The following RAB3C variants were observed in gnomAD, a reference collection of about 807,000 sequenced individuals.
RAB3C encodes RAB3C, member RAS oncogene family.
In RAB3C, 17 loss-of-function variants were observed where a neutral mutation model predicts 26.4. The ratio of observed to expected loss-of-function variants is 0.64; its 90% CI spans 0.44 to 0.97. RAB3C has a LOEUF of 0.97. RAB3C is among the 50% of genes least tolerant of loss of function. The pLI is 0.00. For synonymous variants in RAB3C, 91 were observed against 95.9 expected, an observed-to-expected ratio of 0.95 and a Z score of 0.30; for missense variants, 242 against 281.9, an observed-to-expected ratio of 0.86 and a Z score of 1.01.
intron 3 of RAB3C, chr5:58,817,241 C>A (rs1743237794): frequency 6.6e-6 from 1 of 152,104 alleles, no homozygotes; most frequent in African/African-American, 2.4e-5. Context: ...ATCATTTTTC[C>A]TTTAGCTTTT....
intron 3 of RAB3C, among the ~76,000 whole-genome samples, chr5:58,779,338 TTA>T (rs925809820): frequency 2.0e-5 from 3 of 148,304 alleles, no homozygotes; most frequent in African/African-American, 7.4e-5. Context: ...CATATATAAT[TTA>T]TATATATATA....
chr5:58,821,072 A>G (rs1439655114), intron 3 of RAB3C, among the ~76,000 whole-genome samples: 1 of 152,212 alleles, frequency 6.6e-6, no homozygotes, highest in Non-Finnish European at 1.5e-5. Context: ...GGGGTGCAGT[A>G]GGATGTACTG....
At chr5:58,609,632 A>G (rs573446932) in intron 1 of RAB3C, among the ~76,000 whole-genome samples, 17 of 152,300 alleles carry the variant, frequency 1.1e-4, no homozygotes, top group Non-Finnish European at 1.8e-4. Context: ...GAAAGGAGAA[A>G]GGTGAAATTT....
intron 4 of RAB3C, among the ~76,000 whole-genome samples, chr5:58,841,963 C>A (rs1561149330): frequency 6.6e-6 from 1 of 152,132 alleles, no homozygotes; most frequent in Non-Finnish European, 1.5e-5. Flanking sequence ...ATGTGCCAGG[C>A]ATGTGATGTT....
chr5:58,751,877 C>G (rs1426629710), intron 3 of RAB3C, among the ~76,000 whole-genome samples: 1 of 152,140 alleles, frequency 6.6e-6, no homozygotes, highest in African/African-American at 2.4e-5. Flanking sequence ...TCATTTGAAG[C>G]CTCTCAAACA....
intron 3 of RAB3C, among the ~76,000 whole-genome samples, chr5:58,824,721 G>T (rs1743434446): frequency 1.3e-5 from 2 of 152,186 alleles, no homozygotes; most frequent in Admixed American, 6.5e-5. Context: ...AGGATGGTTG[G>T]CTATCCTACT....
At chr5:58,662,482 T>A (rs1165976172) in intron 2 of RAB3C, among the ~76,000 whole-genome samples, 1 of 150,134 alleles carries the variant, frequency 6.7e-6, no homozygotes, top group Non-Finnish European at 1.5e-5. Context: ...ACTGATATAG[T>A]TATTAAACAC....
intron 3 of RAB3C, among the ~76,000 whole-genome samples, chr5:58,798,244 A>G (rs1433550084): frequency 1.3e-5 from 2 of 152,176 alleles, no homozygotes. Flanking sequence ...TTGCTAGAGG[A>G]TAGACTATAA....
At chr5:58,604,798 A>G (rs1430902321) in intron 1 of RAB3C, among the ~76,000 whole-genome samples, 1 of 152,156 alleles carries the variant, frequency 6.6e-6, no homozygotes, top group Admixed American at 6.5e-5. Flanking sequence ...CTGGATTCAG[A>G]TTTGTGCTCT....
intron 3 of RAB3C, among the ~76,000 whole-genome samples, chr5:58,743,970 G>A (rs544686499): frequency 6.6e-6 from 1 of 152,070 alleles, no homozygotes; most frequent in Non-Finnish European, 1.5e-5. Context: ...TACCTCTATG[G>A]CCAATACATT....
At chr5:58,762,849 A>G (rs537020243) in intron 3 of RAB3C, among the ~76,000 whole-genome samples, 1 of 152,336 alleles carries the variant, frequency 6.6e-6, no homozygotes, top group African/African-American at 2.4e-5. Context: ...AATATTTCCT[A>G]AAAGATAATT....
At chr5:58,783,738 A>G (rs1742319828) in intron 3 of RAB3C, among the ~76,000 whole-genome samples, 1 of 152,200 alleles carries the variant, frequency 6.6e-6, no homozygotes, top group Non-Finnish European at 1.5e-5. Flanking sequence ...GAATGCACTG[A>G]GGTATTAAAC....
intron 2 of RAB3C, among the ~76,000 whole-genome samples, chr5:58,678,001 T>TGTGTGTGTGTGTGTGC (rs746269233): frequency 2.8e-5 from 4 of 145,190 alleles, no homozygotes; most frequent in Non-Finnish European, 6.2e-5. Flanking sequence ...TGTGTGTGTG[T>TGTGTGTGTGTGTGTGC]GCATGCGTGT....
rs180733710 is a variant in RAB3C, at chr5:58,793,325, G to A, written c.372-31713G>A. Among the ~76,000 whole-genome samples the A allele has an allele frequency of 3.3e-5, 5 of 152,222 alleles. No individual in the cohort carries two copies. In the East Asian group the frequency reaches 7.7e-4, roughly 24 times the overall value. ...TGTAATCCCAGCACTTTGGGGGGCC[G>A]AGGCAGGCAGATCACGAGGTCAAGA... is the stretch of plus-strand genomic sequence containing the variant. On this transcript the variant is annotated intron_variant, in intron 3 of 4. Coordinates refer to ENST00000282878, the MANE Select transcript of RAB3C (RefSeq NM_138453.4).
chr5:58,851,463 A>G lies in RAB3C; in HGVS notation c.*112A>G. ...GCCTAACAATTATTTGAAGGAATAAATTGATGTCAATGGCTCGTACGCATT... is the reference window on the plus strand; with the variant it reads ...GCCTAACAATTATTTGAAGGAATAAGTTGATGTCAATGGCTCGTACGCATT... On this transcript the variant is annotated 3_prime_UTR_variant, in exon 5 of 5. Coordinates refer to ENST00000282878, the MANE Select transcript of RAB3C (RefSeq NM_138453.4). 1.2e-6 allele frequency: 1 copy of G among 838,876 alleles called. No individual in the cohort carries two copies. The highest frequency in any genetic ancestry group is 1.8e-6 in the Non-Finnish European group (1 of 560,660). The allele number at this position is 838,876 out of a possible 1,614,324, so 52.0% of individuals were successfully genotyped here.
chr5:58,830,972 C>A (rs1247785300), intron 4 of RAB3C, among the ~76,000 whole-genome samples: 1 of 151,988 alleles, frequency 6.6e-6, no homozygotes, highest in African/African-American at 2.4e-5. Context: ...ACCTCTTGGA[C>A]TCAAGCAATC....
chr5:58,654,052 C>T (rs961905526), intron 2 of RAB3C, among the ~76,000 whole-genome samples: 1 of 152,112 alleles, frequency 6.6e-6, no homozygotes, highest in South Asian at 2.1e-4. Flanking sequence ...TTAATGTTTT[C>T]TGCATTTTCT....
chr5:58,671,671 A>C (rs1202940763), intron 2 of RAB3C, among the ~76,000 whole-genome samples: 2 of 152,188 alleles, frequency 1.3e-5, no homozygotes, highest in Admixed American at 6.5e-5. Flanking sequence ...TGCTGGCTGC[A>C]TAGGGTTTCA....
intron 1 of RAB3C, among the ~76,000 whole-genome samples, chr5:58,594,244 T>C (rs199698835): frequency 6.6e-6 from 1 of 152,214 alleles, no homozygotes; most frequent in African/African-American, 2.4e-5. Context: ...AGAACAGATA[T>C]GTTTACCAAC....
Sources: allele counts gnomAD v4.1 joint callset (sites outside exome capture counted in the v4.1 genomes callset), GRCh38; gene constraint gnomAD v4.1.1; transcripts MANE v1.5; gene names NCBI Gene and HGNC (gene_info 2026-07-23, HGNC 2026-07-21).